TJP1: variants seen among roughly 807,000 people sequenced by gnomAD.
TJP1 encodes tight junction protein ZO-1.
TJP1 carries 43 observed loss-of-function variants against 194.2 expected under a neutral mutation model. That is an observed-to-expected ratio of 0.22 (90% CI 0.17 to 0.29). The LOEUF is 0.29. TJP1 is among the 10% of genes least tolerant of loss of function. The pLI, the probability that TJP1 is intolerant of heterozygous loss-of-function variation, is 1.00. For synonymous variants in TJP1, 801 were observed against 779.0 expected (o/e 1.03, Z -0.47); for missense variants, 1,971 against 2,185.7 (o/e 0.90, Z 1.96).
chr15:29,953,594 T>G (rs2055835731), intron 2 of TJP1, among the ~76,000 whole-genome samples: 1 of 152,206 alleles, frequency 6.6e-6, no homozygotes, highest in African/African-American at 2.4e-5. Context: ...GCTCTTCTTA[T>G]TTATTTTTTT....
chr15:29,883,005 AG>A (rs2052992708), intron 2 of TJP1, among the ~76,000 whole-genome samples: 1 of 152,194 alleles, frequency 6.6e-6, no homozygotes, highest in Non-Finnish European at 1.5e-5. Context: ...TCTTTTAAAA[AG>A]GTTGTTTGAA....
intron 2 of TJP1, among the ~76,000 whole-genome samples, chr15:29,835,554 G>A (rs1160962563): frequency 6.6e-6 from 1 of 152,062 alleles, no homozygotes; most frequent in Non-Finnish European, 1.5e-5. Flanking sequence ...CGAGGCTGAG[G>A]TGGGAGGATC....
chr15:29,726,787 A>G lies in TJP1; in HGVS notation c.2305T>C (p.Phe769Leu). ...HKLRKNNHHL[F>L]TTTINLNSMN... The stretch of plus-strand genomic sequence containing the variant: ...CCTTTATTAACATACTCACTTGTAA[A>G]AAGATGGTGATTATTTTTACGAAGT... The change falls in exon 17 of 28, where the codon TTT becomes CTT. Residue 769 changes from phenylalanine (F) to leucine (L), a missense_variant. By Grantham distance (22) the Phe-to-Leu change is conservative (BLOSUM62 0). Coordinates refer to ENST00000614355, the MANE Select transcript of TJP1 (RefSeq NM_001330239.4). The G allele has an allele frequency of 6.2e-7, 1 of 1,614,012 alleles. No homozygotes were observed. Among genetic ancestry groups the G allele is most frequent in the Admixed American group, 1.7e-5 (1 of 60,010 alleles).
At chr15:29,727,902 A>G (rs11073221) in intron 16 of TJP1, 35 bp downstream of exon 16, 182,579 of 1,582,640 alleles carry the variant, frequency 0.12, 11,744 homozygotes, top group South Asian at 0.23. Flanking sequence ...AAACCACAAT[A>G]ACATAATGAA....
chr15:29,806,231 G>A (rs2049101792), intron 1 of TJP1, among the ~76,000 whole-genome samples: 2 of 152,126 alleles, frequency 1.3e-5, no homozygotes, highest in Non-Finnish European at 2.9e-5. Context: ...AAAAGGAAAA[G>A]ATGTAATTAC....
intron 2 of TJP1, among the ~76,000 whole-genome samples, chr15:29,925,994 T>C (rs1463432959): frequency 1.3e-5 from 2 of 152,194 alleles, no homozygotes; most frequent in Non-Finnish European, 2.9e-5. Context: ...CAGCACCTCC[T>C]GGTGGCCAGC....
intron 1 of TJP1, among the ~76,000 whole-genome samples, chr15:29,812,829 T>A (rs1412056238): frequency 6.6e-6 from 1 of 152,168 alleles, no homozygotes; most frequent in Non-Finnish European, 1.5e-5. Context: ...GCATGCAATA[T>A]AAGGGGCTAC....
chr15:29,822,112 A>C lies in TJP1; in HGVS notation c.-84T>G, dbSNP rs2050426228. On this transcript the variant is annotated 5_prime_UTR_variant, in exon 1 of 28. Transcript: ENST00000614355. ...CCGCCCGCTCCTCACGCCACAGCCCAAATAAACATCTCCCGAGAGCGAGCG... is the reference window on the plus strand; with the variant it reads ...CCGCCCGCTCCTCACGCCACAGCCCCAATAAACATCTCCCGAGAGCGAGCG... 1 of 1,218,950 alleles carries C rather than the reference A, an allele frequency of 8.2e-7. No homozygotes were observed. Among genetic ancestry groups the C allele is most frequent in the African/African-American group, 1.6e-5 (1 of 63,582 alleles). 75.5% of individuals were successfully genotyped at this position (1,218,950 alleles called of 1,614,324 possible).
chr15:29,908,077 A>AAAAAAAAAAAAAAAAAAAAAAAAAAAC (rs2053881764), intron 2 of TJP1, among the ~76,000 whole-genome samples: 1 of 144,826 alleles, frequency 6.9e-6, no homozygotes, highest in Non-Finnish European at 1.5e-5. Context: ...AAAAAAAAAA[A>AAAAAAAAAAAAAAAAAAAAAAAAAAAC]AAAAAAAAGA....
At chr15:29,930,066 T>C (rs1596277211) in intron 2 of TJP1, among the ~76,000 whole-genome samples, 1 of 152,248 alleles carries the variant, frequency 6.6e-6, no homozygotes, top group Non-Finnish European at 1.5e-5. Flanking sequence ...ACTAAAGAAA[T>C]TGATCCAGTA....
chr15:29,732,685 C>T lies in TJP1; in HGVS notation c.1867G>A (p.Ala623Thr), dbSNP rs759848653. 2.1e-5 allele frequency: 34 copies of T among 1,614,132 alleles called. No homozygotes were observed. Among genetic ancestry groups the T allele is most frequent in the East Asian group, 4.5e-5 (2 of 44,874 alleles). The change falls in exon 14 of 28, where the codon GCT becomes ACT. Residue 623 changes from alanine (A) to threonine (T), a missense_variant. By Grantham distance (58) the Ala-to-Thr change is moderately conservative (BLOSUM62 0). Transcript: ENST00000614355. ...NLRKSREDLS[A>T]QPVQTKFPAY... is the part of the protein sequence containing the mutation. ...GGAAACTTTGTTTGAACAGGCTGAG[C>T]GGACAAATCCTCTCTGCTTTTTCGA...
intron 2 of TJP1, among the ~76,000 whole-genome samples, chr15:29,885,580 A>G (rs1470894072): frequency 6.6e-6 from 1 of 152,228 alleles, no homozygotes; most frequent in Non-Finnish European, 1.5e-5. Flanking sequence ...AAACAAAGAC[A>G]CTAAAACCTG....
At chr15:29,932,016 C>A (rs2054732048) in intron 2 of TJP1, among the ~76,000 whole-genome samples, 1 of 152,094 alleles carries the variant, frequency 6.6e-6, no homozygotes, top group African/African-American at 2.4e-5. Flanking sequence ...CTCTTGTGAC[C>A]ATCTTGGTTT....
At chr15:29,912,829 C>T (rs188180827) in intron 2 of TJP1, among the ~76,000 whole-genome samples, 60 of 150,824 alleles carry the variant, frequency 4.0e-4, no homozygotes, top group African/African-American at 1.4e-3. Flanking sequence ...AGAAACTGTA[C>T]ACCAAATAGA....
intron 2 of TJP1, among the ~76,000 whole-genome samples, chr15:29,909,270 A>T (rs1596237076): frequency 6.8e-6 from 1 of 147,530 alleles, no homozygotes; most frequent in Admixed American, 6.9e-5. Flanking sequence ...CCCAGGAGGC[A>T]GAGGTTGCAG....
intron 2 of TJP1, among the ~76,000 whole-genome samples, chr15:29,915,040 T>C (rs1433400066): frequency 6.6e-6 from 1 of 152,142 alleles, no homozygotes; most frequent in Non-Finnish European, 1.5e-5. Flanking sequence ...AAATGCATGA[T>C]GGAGGTAGAC....
intron 2 of TJP1, among the ~76,000 whole-genome samples, chr15:29,876,819 T>A (rs1271513363): frequency 6.6e-6 from 1 of 152,202 alleles, no homozygotes; most frequent in Non-Finnish European, 1.5e-5. Flanking sequence ...CATCAGGCAG[T>A]GCTGTGAGCT....
At chr15:29,814,910 A>G (rs757827342) in intron 1 of TJP1, among the ~76,000 whole-genome samples, 2 of 152,226 alleles carry the variant, frequency 1.3e-5, no homozygotes, top group Non-Finnish European at 2.9e-5. Context: ...AGTATTGAGC[A>G]CTACATATAT....
intron 1 of TJP1, 36 bp downstream of exon 1, chr15:29,821,966 G>C: frequency 8.1e-7 from 1 of 1,239,520 alleles, no homozygotes; most frequent in South Asian, 3.6e-5. Context: ...GCGACGGTCG[G>C]CCCGGTCTGG....
Sources: allele counts gnomAD v4.1 joint callset (sites outside exome capture counted in the v4.1 genomes callset), GRCh38; gene constraint gnomAD v4.1.1; transcripts MANE v1.5; gene names NCBI Gene and HGNC (gene_info 2026-07-23, HGNC 2026-07-21).